WDR36: variants seen among roughly 807,000 people sequenced by gnomAD.
WDR36 encodes WD repeat-containing protein 36.
In WDR36, 63 loss-of-function variants were observed where a neutral mutation model predicts 112.7. The ratio of observed to expected loss-of-function variants is 0.56; its 90% CI spans 0.46 to 0.69. WDR36 has a LOEUF of 0.69. WDR36 is among the 30% of genes least tolerant of loss of function. The pLI, the probability that WDR36 is intolerant of heterozygous loss-of-function variation, is 0.00. For missense variants in WDR36, 1,226 were observed against 1,070.3 expected, an observed-to-expected ratio of 1.15 and a Z score of -2.03; for synonymous variants, 410 against 362.2, an observed-to-expected ratio of 1.13 and a Z score of -1.50.
rs1472263768 is a variant in WDR36 at position 111,127,308 on chromosome 5, A to G, written c.*425A>G. 1 of 209,268 alleles carries G rather than the reference A, an allele frequency of 4.8e-6. No individual in the cohort carries two copies. The highest frequency in any genetic ancestry group is 9.7e-6 in the Non-Finnish European group (1 of 103,064). The allele number at this position is 209,268 out of a possible 1,614,324, so 13.0% of individuals were successfully genotyped here. The stretch of plus-strand genomic sequence containing the variant: ...TTTTAAAAAATTATTACCTGCTTAT[A>G]TTTTTTGAGTATCTGTTTCATATAA... On this transcript the variant is annotated 3_prime_UTR_variant, in exon 23 of 23. Transcript: ENST00000513710.
chr5:111,100,465 T>C (rs1753100959), intron 4 of WDR36, 124 bp from the exon 5 acceptor site: 3 of 613,560 alleles, frequency 4.9e-6, no homozygotes, highest in Non-Finnish European at 8.2e-6. Flanking sequence ...AGTATCTAAG[T>C]CTGTGGTTTA....
chr5:111,108,588 T>TA (rs1432703373), intron 12 of WDR36, among the ~76,000 whole-genome samples: 1 of 151,418 alleles, frequency 6.6e-6, no homozygotes, highest in Non-Finnish European at 1.5e-5. Context: ...ATAATGGTTG[T>TA]AATAGTAGTG....
Position 111,098,747 on chromosome 5 carries a change from A to G in WDR36, c.317A>G (p.Lys106Arg). The change falls in exon 4 of 23, where the codon AAG becomes AGG. Residue 106 changes from lysine to arginine, a missense_variant. Physicochemically the swap from Lys to Arg is conservative, Grantham distance 26 (BLOSUM62 2). Coordinates refer to ENST00000513710, the MANE Select transcript of WDR36 (RefSeq NM_139281.3). ...KEIVHTFKGH[K>R]AEIHFLQPFG... ...ATAGTACATACCTTTAAGGGTCATA[A>G]GGCAGAAATCCATTTCTTGCAACCC... is the stretch of plus-strand genomic sequence containing the variant. 5.6e-6 allele frequency: 9 copies of G among 1,610,558 alleles called. No homozygotes were observed. The highest frequency in any genetic ancestry group is 6.8e-6 in the Non-Finnish European group (8 of 1,176,996).
intron 16 of WDR36, among the ~76,000 whole-genome samples, chr5:111,116,531 G>A (rs991840254): frequency 6.6e-6 from 1 of 152,008 alleles, no homozygotes; most frequent in African/African-American, 2.4e-5. Context: ...TGTTATGCAG[G>A]GCTCTGATCT....
At chr5:111,106,352 C>A (rs1007601152) in intron 11 of WDR36, among the ~76,000 whole-genome samples, 3 of 151,460 alleles carry the variant, frequency 2.0e-5, no homozygotes, top group African/African-American at 7.3e-5. Context: ...AGGCTTTGCT[C>A]TTCTGTATAA....
At chr5:111,099,473 T>G (rs13188347) in intron 4 of WDR36, among the ~76,000 whole-genome samples, 42 of 100,096 alleles carry the variant, frequency 4.2e-4, no homozygotes, top group East Asian at 1.9e-3. Flanking sequence ...GTTTTTTTTT[T>G]TTTTTTTTTT....
Position 111,104,708 on chromosome 5 carries a change from T to C in WDR36, c.918T>C (p.Phe306=), listed in dbSNP as rs775296340. ...GADNALRIWI[F]DGPTGEGRLL... Reference sequence around the variant, plus strand: ...TTATTTCTTGGCAGATATGGATATTTGATGGTCCTACAGGTGAAGGCCGAC... The same window carrying C: ...TTATTTCTTGGCAGATATGGATATTCGATGGTCCTACAGGTGAAGGCCGAC... Residue 306 remains phenylalanine, a synonymous_variant, in exon 9 of 23, where the codon TTT becomes TTC. Transcript: ENST00000513710. The C allele has an allele frequency of 6.2e-7, 1 of 1,611,178 alleles. No individual in the cohort carries two copies. The highest frequency in any genetic ancestry group is 8.5e-7 in the Non-Finnish European group (1 of 1,177,818).
intron 15 of WDR36, among the ~76,000 whole-genome samples, chr5:111,112,619 A>G (rs1561706814): frequency 1.3e-5 from 2 of 152,026 alleles, no homozygotes; most frequent in Non-Finnish European, 2.9e-5. Flanking sequence ...AATGGGTGGC[A>G]TAAGTAGTTT....
chr5:111,096,470 G>A (rs1051137517), intron 2 of WDR36, among the ~76,000 whole-genome samples: 5 of 152,214 alleles, frequency 3.3e-5, no homozygotes, highest in East Asian at 1.9e-4. Context: ...TTGGAAGGCC[G>A]AGGTGGGCAG....
chr5:111,127,931 T>G lies in WDR36; in HGVS notation c.*1048T>G, dbSNP rs1381901154. 11 of 203,560 alleles carry G rather than the reference T, an allele frequency of 5.4e-5. No individual in the cohort carries two copies. The highest frequency in any genetic ancestry group is 7.4e-5 in the East Asian group (1 of 13,536). The allele number at this position is 203,560 out of a possible 1,614,324, so 12.6% of individuals were successfully genotyped here. ...TTATTTTGTTTTGTTTTGTTTTTTT[T>G]TTTTTTTTTTTGGCTACACTTTTTT... On this transcript the variant is annotated 3_prime_UTR_variant, in exon 23 of 23. Transcript: ENST00000513710.
At chr5:111,113,648 G>A (rs1441591598) in intron 16 of WDR36, among the ~76,000 whole-genome samples, 1 of 151,988 alleles carries the variant, frequency 6.6e-6, no homozygotes, top group African/African-American at 2.4e-5. Flanking sequence ...ATTGAAACTT[G>A]GTTATTTCTA....
intron 16 of WDR36, among the ~76,000 whole-genome samples, chr5:111,116,502 C>G (rs1753457913): frequency 6.6e-6 from 1 of 152,124 alleles, no homozygotes; most frequent in Non-Finnish European, 1.5e-5. Flanking sequence ...GAATAATAAT[C>G]AGAAACAACC....
rs181279125 is a variant in WDR36 at position 111,097,981 on chromosome 5, G to A, written c.292-741G>A. Reference sequence around the variant, plus strand: ...TGTATTGTTGTTTATAGTTTTCCCAGGGAGATATATGTGATTTACATGAGG... The same window carrying A: ...TGTATTGTTGTTTATAGTTTTCCCAAGGAGATATATGTGATTTACATGAGG... On this transcript the variant is annotated intron_variant, in intron 3 of 22. Coordinates refer to ENST00000513710, the MANE Select transcript of WDR36 (RefSeq NM_139281.3). Among the ~76,000 whole-genome samples, 57 of 152,292 alleles carry A rather than the reference G, an allele frequency of 3.7e-4. No homozygotes were observed. In the Middle Eastern group the frequency reaches 0.017, roughly 45 times the overall value.
At position 111,092,576 on chromosome 5, in the gene WDR36, C is replaced by G. The variant is rs1752888514; in HGVS notation, c.120C>G (p.Phe40Leu). ...VVRFSALKRR[F>L]YVTTCVGKSF... is the part of the protein sequence containing the mutation. ...GGTTCAGCGCGCTCAAGCGCCGGTT[C>G]TATGTAACAACCTGCGTGGGCAAGA... The change falls in exon 1 of 23, where the codon TTC becomes TTG. Residue 40 changes from phenylalanine to leucine, a missense_variant. By Grantham distance (22) the Phe-to-Leu change is conservative. Transcript: ENST00000513710. 6.2e-7 allele frequency: 1 copy of G among 1,614,154 alleles called. No homozygotes were observed. The highest frequency in any genetic ancestry group is 1.3e-5 in the African/African-American group (1 of 75,082).
At chr5:111,126,669 T>C (rs770236815) in intron 22 of WDR36, 65 bp from the exon 23 acceptor site, 298 of 1,557,786 alleles carry the variant, frequency 1.9e-4, no homozygotes, top group Middle Eastern at 3.7e-4. Flanking sequence ...GGTAGAAAAA[T>C]TGAATCCAGA....
chr5:111,094,620 T>C (rs1250358509), intron 1 of WDR36, among the ~76,000 whole-genome samples: 1 of 152,224 alleles, frequency 6.6e-6, no homozygotes, highest in Non-Finnish European at 1.5e-5. Flanking sequence ...GTTTTCATGC[T>C]ACGGTGGCAG....
At position 111,125,984 on chromosome 5, in the gene WDR36, T is replaced by C. The variant is rs11955335; in HGVS notation, c.2538+189T>C. 0.089 allele frequency among the ~76,000 whole-genome samples: 13,614 copies of C among 152,202 alleles called. 643 individuals carry two copies. The highest frequency in any genetic ancestry group is 0.23 in the South Asian group (1,124 of 4,826). On this transcript the variant is annotated intron_variant, in intron 22 of 22. Coordinates refer to ENST00000513710, the MANE Select transcript of WDR36 (RefSeq NM_139281.3). ...TCAAGAAACTGGATTTTTAATTTTA[T>C]AGAATTTTAATTAATTTAAATTTAA...
chr5:111,094,186 G>A (rs1052732281), intron 1 of WDR36, among the ~76,000 whole-genome samples: 2 of 152,204 alleles, frequency 1.3e-5, no homozygotes, highest in African/African-American at 4.8e-5. Flanking sequence ...TTGTGAATAG[G>A]TGGTGGTAGT....
At position 111,092,493 on chromosome 5, in the gene WDR36, C is replaced by G; in HGVS notation, c.37C>G (p.Leu13Val). 1 of 1,614,232 alleles carries G rather than the reference C, an allele frequency of 6.2e-7. No homozygotes were observed. Among genetic ancestry groups the G allele is most frequent in the Non-Finnish European group, 8.5e-7 (1 of 1,180,046 alleles). Residue 13 changes from leucine (L) to valine (V), a missense_variant, in exon 1 of 23, where the codon CTT (leucine) becomes GTT (valine). Coordinates refer to ENST00000513710, the MANE Select transcript of WDR36 (RefSeq NM_139281.3). ...CTCAGAAAGGCGCACGGCCAGCGCG[C>G]TTTTTGCGGGGTTCCGGGCCTTGGG... ...RASERRTASALFAGFRALGLF... is the reference protein window; with the variant it reads ...RASERRTASAVFAGFRALGLF...
Sources: allele counts gnomAD v4.1 joint callset (sites outside exome capture counted in the v4.1 genomes callset), GRCh38; gene constraint gnomAD v4.1.1; transcripts MANE v1.5; gene names NCBI Gene and HGNC (gene_info 2026-07-23, HGNC 2026-07-21).